The following RDX variants were observed in gnomAD, a reference collection of about 807,000 sequenced individuals.
RDX encodes radixin.
Under a neutral mutation model 83.7 loss-of-function variants are expected in RDX, and 32 were observed. The observed-to-expected ratio is 0.38, with a 90% CI of 0.29 to 0.51. The LOEUF is 0.51. Ranked by LOEUF, RDX falls within the 20% of genes least tolerant of loss-of-function variation. The pLI, the probability that RDX is intolerant of heterozygous loss-of-function variation, is 0.87. For missense variants in RDX, 600 were observed against 689.9 expected, an observed-to-expected ratio of 0.87 and a Z score of 1.46; for synonymous variants, 229 against 222.7, an observed-to-expected ratio of 1.03 and a Z score of -0.25.
Position 110,233,232 on chromosome 11 carries a change from A to G in RDX, c.1587+5T>C. 1 of 1,612,568 alleles carries G rather than the reference A, an allele frequency of 6.2e-7. No homozygotes were observed. Among genetic ancestry groups the G allele is most frequent in the African/African-American group, 1.3e-5 (1 of 74,990 alleles). On this transcript the variant is annotated splice_donor_5th_base_variant and intron_variant, in intron 13 of 13. Transcript: ENST00000645495. ...AATGCACATACAACTGCAAATTTTA[A>G]ATACCTGAAGTTGCTTCTTAACACG...
Position 110,248,969 on chromosome 11 carries a change from G to A in RDX, c.960-1136C>T, listed in dbSNP as rs570000758. Among the ~76,000 whole-genome samples the A allele has an allele frequency of 5.9e-5, 9 of 152,208 alleles. No individual in the cohort carries two copies. The South Asian group carries it at 1.7e-3, about 28-fold the overall frequency. On this transcript the variant is annotated intron_variant, in intron 9 of 13. Coordinates refer to ENST00000645495, the MANE Select transcript of RDX (RefSeq NM_002906.4). ...TAAAAAATATCATCAGAGCTCAGTG[G>A]GAAAAAATGCCTTGATCATTTAGCT...
chr11:110,278,760 A>T (rs960761978), intron 2 of RDX, among the ~76,000 whole-genome samples: 1 of 151,468 alleles, frequency 6.6e-6, no homozygotes, highest in South Asian at 2.1e-4. Context: ...CGACCTGCTG[A>T]GTCTTTAAGT....
intron 1 of RDX, among the ~76,000 whole-genome samples, chr11:110,291,075 C>T (rs535653474): frequency 8.5e-5 from 13 of 152,250 alleles, no homozygotes; most frequent in South Asian, 4.1e-4. Flanking sequence ...GGTGCAGTTG[C>T]CTGCACTTTA....
chr11:110,252,099 C>A (rs902288338), intron 9 of RDX, among the ~76,000 whole-genome samples: 1 of 152,160 alleles, frequency 6.6e-6, no homozygotes, highest in Non-Finnish European at 1.5e-5. Flanking sequence ...TGAAAGACTG[C>A]CAATTCCTAG....
At chr11:110,280,709 T>A (rs566086533) in intron 1 of RDX, among the ~76,000 whole-genome samples, 1 of 152,340 alleles carries the variant, frequency 6.6e-6, no homozygotes, top group South Asian at 2.1e-4. Context: ...GGACCTGTAA[T>A]CCCAGCTCTT....
chr11:110,189,251 A>T (rs1044960663), intron 15 of RDX, among the ~76,000 whole-genome samples: 11 of 134,842 alleles, frequency 8.2e-5, no homozygotes, highest in East Asian at 1.9e-4. Flanking sequence ...GGTAAAAAAA[A>T]AAAAAAAAAA....
At chr11:110,217,109 C>T (rs1009779194) in intron 14 of RDX, among the ~76,000 whole-genome samples, 27 of 152,328 alleles carry the variant, frequency 1.8e-4, no homozygotes, top group African/African-American at 6.0e-4. Flanking sequence ...AACAGAGGAA[C>T]AAGAGGAGCT....
intron 15 of RDX, among the ~76,000 whole-genome samples, chr11:110,189,152 G>C (rs1863049423): frequency 6.7e-6 from 1 of 148,440 alleles, no homozygotes; most frequent in Non-Finnish European, 1.5e-5. Flanking sequence ...GTAAAGGGTT[G>C]GAGGAAGATC....
At chr11:110,208,499 C>T (rs1209775366) in intron 14 of RDX, among the ~76,000 whole-genome samples, 1 of 152,206 alleles carries the variant, frequency 6.6e-6, no homozygotes, top group Non-Finnish European at 1.5e-5. Context: ...TGAAGACTTG[C>T]TCACTGAGTT....
chr11:110,201,528 G>C (rs192108353), intron 14 of RDX, among the ~76,000 whole-genome samples: 3 of 131,502 alleles, frequency 2.3e-5, no homozygotes, highest in Admixed American at 2.2e-4. Context: ...GTGGCGGCAT[G>C]AGATTAGATG....
Position 110,255,392 on chromosome 11 carries a change from A to G in RDX, c.699-7T>C. 7.3e-7 allele frequency: 1 copy of G among 1,370,020 alleles called. No individual in the cohort carries two copies. Among genetic ancestry groups the G allele is most frequent in the East Asian group, 2.3e-5 (1 of 43,528 alleles). The allele number at this position is 1,370,020 out of a possible 1,614,324, so 84.9% of individuals were successfully genotyped here. A position where few individuals can be genotyped will look rare whatever the true frequency, so the allele number is the denominator to read the frequency against. On this transcript the variant is annotated splice_region_variant and splice_polypyrimidine_tract_variant and intron_variant, in intron 7 of 13. Coordinates refer to ENST00000645495, the MANE Select transcript of RDX (RefSeq NM_002906.4). ...ACCAATTTTAGGTGTTAACCTTAAA[A>G]AATGAAAGCATCTCCTTAATTAAAG...
chr11:110,199,436 A>T, intron 15 of RDX: 1 of 611,626 alleles, frequency 1.6e-6, no homozygotes, highest in East Asian at 2.8e-5. Context: ...GCTCTTGGTC[A>T]GTTCCTTTGA....
chr11:110,218,851 C>T (rs561556177), intron 14 of RDX, among the ~76,000 whole-genome samples: 78 of 152,270 alleles, frequency 5.1e-4, no homozygotes, highest in African/African-American at 1.9e-3. Context: ...AGATCAGGTG[C>T]CTTCCTTCTG....
intron 9 of RDX, among the ~76,000 whole-genome samples, chr11:110,251,294 T>G (rs1024361626): frequency 6.6e-6 from 1 of 152,218 alleles, no homozygotes; most frequent in East Asian, 1.9e-4. Context: ...AAAGATCAAA[T>G]GGGTCTAATT....
At position 110,215,048 on chromosome 11, in the gene RDX, A is replaced by AT. The variant is rs1565295514; in HGVS notation, c.1749-15371_1749-15370insA. On this transcript the variant is annotated intron_variant, in intron 14 of 15. Coordinates refer to the RDX transcript ENST00000528498. ...TTAGGAGACCTAACAAAAAAAAAAAAAATATATATATATATATATATAATG... is the reference window on the plus strand; with the variant it reads ...TTAGGAGACCTAACAAAAAAAAAAAATAATATATATATATATATATATAATG... Among the ~76,000 whole-genome samples, 115 of 74,760 alleles carry AT rather than the reference A, an allele frequency of 1.5e-3. 1 individual carries two copies. Among genetic ancestry groups the AT allele is most frequent in the East Asian group, 0.013 (21 of 1,586 alleles). 49.0% of individuals were successfully genotyped at this position (74,760 alleles called of 152,430 possible).
chr11:110,237,392 T>A, intron 11 of RDX, 100 bp downstream of exon 11: 1 of 1,153,930 alleles, frequency 8.7e-7, no homozygotes, highest in Non-Finnish European at 1.2e-6. Context: ...TGGCTTGCTC[T>A]CCAGAAAGCA....
chr11:110,194,366 C>G (rs766492778), intron 15 of RDX, among the ~76,000 whole-genome samples: 1 of 152,172 alleles, frequency 6.6e-6, no homozygotes, highest in African/African-American at 2.4e-5. Context: ...ACTACAGGCA[C>G]CTGCCACCAC....
intron 15 of RDX, among the ~76,000 whole-genome samples, chr11:110,196,716 C>G (rs1399868030): frequency 3.3e-5 from 5 of 152,098 alleles, no homozygotes; most frequent in Non-Finnish European, 1.5e-5. Context: ...TTTACTCTGG[C>G]CTCCTCAGCT....
intron 1 of RDX, among the ~76,000 whole-genome samples, chr11:110,281,760 C>G (rs1266431710): frequency 6.6e-6 from 1 of 151,942 alleles, no homozygotes; most frequent in Non-Finnish European, 1.5e-5. Flanking sequence ...CTCTTTTCAT[C>G]CCAACTACTA....
Sources: allele counts gnomAD v4.1 joint callset (sites outside exome capture counted in the v4.1 genomes callset), GRCh38; gene constraint gnomAD v4.1.1; transcripts MANE v1.5; gene names NCBI Gene and HGNC (gene_info 2026-07-23, HGNC 2026-07-21).